Variants in AKAP6 observed in about 807,000 individuals in gnomAD.
AKAP6 encodes A-kinase anchoring protein 6.
Under a neutral mutation model 188.5 loss-of-function variants are expected in AKAP6, and 58 were observed. That is an observed-to-expected ratio of 0.31 (90% CI 0.25 to 0.38). AKAP6 has a LOEUF of 0.38. Ranked by LOEUF, AKAP6 falls within the 10% of genes least tolerant of loss-of-function variation. The pLI is 1.00. For missense variants in AKAP6, 2,710 were observed against 2,740.0 expected (o/e 0.99, Z 0.24); for synonymous variants, 989 against 998.6 (o/e 0.99, Z 0.18).
intron 9 of AKAP6, among the ~76,000 whole-genome samples, chr14:32,704,239 T>C (rs2139725609): frequency 6.6e-6 from 1 of 152,240 alleles, no homozygotes; most frequent in East Asian, 1.9e-4. Context: ...ATAATTAGAG[T>C]TTGCTAATAA....
intron 9 of AKAP6, among the ~76,000 whole-genome samples, chr14:32,710,741 G>T (rs1891020249): frequency 6.6e-6 from 1 of 152,068 alleles, no homozygotes; most frequent in Admixed American, 6.6e-5. Context: ...CACCTACCTT[G>T]AAAGATTGTT....
chr14:32,573,709 T>A (rs1884594272), intron 4 of AKAP6, among the ~76,000 whole-genome samples: 1 of 152,246 alleles, frequency 6.6e-6, no homozygotes. Flanking sequence ...GGATTTGATC[T>A]GTGTTTCAAA....
chr14:32,660,934 C>G (rs1178708601), intron 7 of AKAP6, among the ~76,000 whole-genome samples: 2 of 65,290 alleles, frequency 3.1e-5, no homozygotes, highest in African/African-American at 7.4e-5. Flanking sequence ...ACCCCCCCCC[C>G]TCCCAATTCC....
At chr14:32,396,289 C>T (rs978957381) in intron 1 of AKAP6, among the ~76,000 whole-genome samples, 2 of 152,290 alleles carry the variant, frequency 1.3e-5, no homozygotes, top group Non-Finnish European at 2.9e-5. Context: ...TTAGCTTTCA[C>T]TGCCATGTCA....
intron 12 of AKAP6, among the ~76,000 whole-genome samples, chr14:32,794,233 A>C (rs1295994758): frequency 6.6e-6 from 1 of 152,168 alleles, no homozygotes; most frequent in African/African-American, 2.4e-5. Flanking sequence ...ATGCTCCTGA[A>C]TGACTCGGGT....
At chr14:32,734,995 A>G (rs1232966232) in intron 10 of AKAP6, among the ~76,000 whole-genome samples, 4 of 152,252 alleles carry the variant, frequency 2.6e-5, no homozygotes, top group Admixed American at 1.3e-4. Context: ...AGTGTAGTGA[A>G]TTGGGGATTA....
At chr14:32,570,562 GA>G (rs1566581246) in intron 4 of AKAP6, among the ~76,000 whole-genome samples, 2 of 152,120 alleles carry the variant, frequency 1.3e-5, no homozygotes, top group Non-Finnish European at 2.9e-5. Flanking sequence ...AATTAGGAAT[GA>G]TTTTTTTTAA....
chr14:32,610,524 G>A (rs539156389), intron 7 of AKAP6, among the ~76,000 whole-genome samples: 1 of 152,054 alleles, frequency 6.6e-6, no homozygotes, highest in African/African-American at 2.4e-5. Context: ...TAGCAGTGGA[G>A]ACAGATGTGC....
chr14:32,385,407 T>C (rs980407609), intron 1 of AKAP6, among the ~76,000 whole-genome samples: 4 of 17,600 alleles, frequency 2.3e-4, no homozygotes, highest in Non-Finnish European at 5.0e-4. Context: ...TTTTATTTCT[T>C]TTTTTTTTTT....
chr14:32,741,875 G>A (rs1243676894), intron 11 of AKAP6, among the ~76,000 whole-genome samples: 1 of 140,428 alleles, frequency 7.1e-6, no homozygotes, highest in East Asian at 2.3e-4. Flanking sequence ...CAGTATCAGG[G>A]TAATACTGGT....
intron 7 of AKAP6, among the ~76,000 whole-genome samples, chr14:32,663,559 A>G (rs560814411): frequency 6.6e-6 from 1 of 152,260 alleles, no homozygotes; most frequent in African/African-American, 2.4e-5. Context: ...TGAAACTTAA[A>G]GCATATATAG....
Position 32,492,355 on chromosome 14 carries a change from T to TATATATATATATATATATATAGAG in AKAP6, c.325-43198_325-43197insTATATATATATATATATATAGAGA. Among the ~76,000 whole-genome samples, 240 of 82,544 alleles carry TATATATATATATATATATATAGAG rather than the reference T, an allele frequency of 2.9e-3. 2 individuals are homozygous for TATATATATATATATATATATAGAG. The highest frequency in any genetic ancestry group is 7.6e-3 in the Middle Eastern group (1 of 132). The allele number at this position is 82,544 out of a possible 152,430, so 54.2% of individuals were successfully genotyped here. A position where few individuals can be genotyped will look rare whatever the true frequency, so the allele number is the denominator to read the frequency against. ...ACATTGTAATATATATATATATATA[T>TATATATATATATATATATATAGAG]AGAGAGAGAGAGAGAGAGAGAGAGA... On this transcript the variant is annotated intron_variant, in intron 2 of 13. Transcript: ENST00000280979.
At chr14:32,584,278 A>G (rs1194092651) in intron 5 of AKAP6, among the ~76,000 whole-genome samples, 1 of 152,188 alleles carries the variant, frequency 6.6e-6, no homozygotes, top group Non-Finnish European at 1.5e-5. Flanking sequence ...TAAGTGACTA[A>G]TGAGCAGGTA....
chr14:32,430,013 TGGG>T, intron 1 of AKAP6, among the ~76,000 whole-genome samples: 1 of 152,230 alleles, frequency 6.6e-6, no homozygotes, highest in Admixed American at 6.5e-5. Flanking sequence ...TTTGTTCCTC[TGGG>T]AAGAATTAAC....
intron 7 of AKAP6, among the ~76,000 whole-genome samples, chr14:32,667,542 A>T (rs1333887073): frequency 6.6e-6 from 1 of 152,124 alleles, no homozygotes; most frequent in Non-Finnish European, 1.5e-5. Flanking sequence ...GTAAATATTC[A>T]TCAAATGATC....
At chr14:32,360,710 TGA>T in intron 1 of AKAP6, among the ~76,000 whole-genome samples, 1 of 120,186 alleles carries the variant, frequency 8.3e-6, no homozygotes, top group Non-Finnish European at 1.7e-5. Context: ...TTTTGGCCAT[TGA>T]GTGTGTGTGT....
chr14:32,754,728 A>T (rs35801270), intron 11 of AKAP6, among the ~76,000 whole-genome samples: 1 of 152,130 alleles, frequency 6.6e-6, no homozygotes, highest in South Asian at 2.1e-4. Context: ...GAAAATCCTT[A>T]TCTCTCCTTT....
At chr14:32,734,233 AAAATT>A (rs1301430264) in intron 10 of AKAP6, 3 of 152,146 alleles carry the variant, frequency 2.0e-5, no homozygotes, top group African/African-American at 7.2e-5. Context: ...TGGCATGAAA[AAAATT>A]AAAGACAAGG....
chr14:32,448,018 G>T (rs1208795956), intron 2 of AKAP6, among the ~76,000 whole-genome samples: 1 of 152,170 alleles, frequency 6.6e-6, no homozygotes, highest in African/African-American at 2.4e-5. Context: ...CGGACCAAAG[G>T]TCCTTTTTCA....
Sources: allele counts gnomAD v4.1 joint callset (sites outside exome capture counted in the v4.1 genomes callset), GRCh38; gene constraint gnomAD v4.1.1; transcripts MANE v1.5; gene names NCBI Gene and HGNC (gene_info 2026-07-23, HGNC 2026-07-21).